Variants in AGK observed in about 807,000 individuals in gnomAD.
The protein encoded by AGK is acylglycerol kinase, mitochondrial.
In AGK, 52 loss-of-function variants were observed where a neutral mutation model predicts 66.4. The observed-to-expected ratio is 0.78, with a 90% CI of 0.63 to 0.99. The LOEUF is 0.99. Among genes scored for constraint, AGK ranks in the 50% least tolerant of loss-of-function variants. The probability of loss-of-function intolerance (pLI) is 0.00; values close to 1 mark genes in which losing one functional copy is unlikely to be tolerated. For synonymous variants in AGK, 182 were observed against 181.1 expected, an observed-to-expected ratio of 1.00 and a Z score of -0.04; for missense variants, 451 against 506.6, an observed-to-expected ratio of 0.89 and a Z score of 1.05.
At chr7:141,568,595 A>G (rs191344983) in intron 2 of AGK, among the ~76,000 whole-genome samples, 52 of 146,508 alleles carry the variant, frequency 3.5e-4, no homozygotes, top group Non-Finnish European at 6.4e-4. Context: ...TTTTTGAGAC[A>G]CAGTCTCACT....
In AGK at chr7:141,580,607, A is replaced by G. The variant is rs1019200492; in HGVS notation, c.102-12539A>G. ...ATATGTGTCAGGTGTGAGGAAGAAAATAGATTTTGGAAGTTATGAGAGCTG... is the reference window on the plus strand; with the variant it reads ...ATATGTGTCAGGTGTGAGGAAGAAAGTAGATTTTGGAAGTTATGAGAGCTG... On this transcript the variant is annotated intron_variant, in intron 2 of 15. Transcript: ENST00000649286. Among the ~76,000 whole-genome samples, 15 of 151,990 alleles carry G rather than the reference A, an allele frequency of 9.9e-5. 1 individual carries two copies. Among genetic ancestry groups the G allele is most frequent in the African/African-American group, 3.4e-4 (14 of 41,270 alleles).
At chr7:141,638,636 C>A (rs1797224039) in intron 11 of AGK, among the ~76,000 whole-genome samples, 1 of 152,010 alleles carries the variant, frequency 6.6e-6, no homozygotes, top group African/African-American at 2.4e-5. Context: ...ACAGTATTGA[C>A]AATAGAAGAT....
At chr7:141,604,679 GT>G (rs1356130219) in intron 5 of AGK, among the ~76,000 whole-genome samples, 13 of 150,120 alleles carry the variant, frequency 8.7e-5, no homozygotes, top group Middle Eastern at 3.2e-3. Context: ...CGCCTCCCGG[GT>G]TCAAGCGATT....
intron 2 of AGK, among the ~76,000 whole-genome samples, chr7:141,558,347 GT>G (rs71172603): frequency 0.079 from 11,076 of 140,542 alleles, 739 homozygotes; most frequent in African/African-American, 0.19. Context: ...AGTAGAGATG[GT>G]TTTTTTTTTT....
chr7:141,568,899 A>G (rs1273008292), intron 2 of AGK, among the ~76,000 whole-genome samples: 2 of 152,108 alleles, frequency 1.3e-5, no homozygotes. Context: ...TCTATGGAGC[A>G]TCTAGCTTCT....
chr7:141,551,952 C>G (rs763405754), intron 1 of AGK, among the ~76,000 whole-genome samples: 1 of 152,170 alleles, frequency 6.6e-6, no homozygotes, highest in African/African-American at 2.4e-5. Context: ...TTCAGTATCT[C>G]CTAAACCGCA....
chr7:141,644,491 AAGC>A (rs1247845167), intron 13 of AGK, among the ~76,000 whole-genome samples: 3 of 152,208 alleles, frequency 2.0e-5, no homozygotes, highest in African/African-American at 4.8e-5. Context: ...CACTTATTAA[AAGC>A]AGCACATTCA....
intron 10 of AGK, 30 bp from the exon 11 acceptor site, chr7:141,636,930 T>C (rs1797183978): frequency 8.2e-6 from 13 of 1,580,842 alleles, no homozygotes; most frequent in Non-Finnish European, 1.1e-5. Context: ...TTGATATTCT[T>C]ATCAGATTTT....
At chr7:141,619,034 TGAA>T (rs1461192520) in intron 8 of AGK, among the ~76,000 whole-genome samples, 17 of 151,960 alleles carry the variant, frequency 1.1e-4, no homozygotes, top group Non-Finnish European at 2.2e-4. Context: ...TACAAATCAG[TGAA>T]GAGAGAAATC....
chr7:141,640,899 T>C (rs1170965277), intron 11 of AGK, among the ~76,000 whole-genome samples: 2 of 152,182 alleles, frequency 1.3e-5, no homozygotes, highest in African/African-American at 2.4e-5. Flanking sequence ...CTGGATTTCC[T>C]CAGTTTCATT....
intron 2 of AGK, among the ~76,000 whole-genome samples, chr7:141,579,841 C>T (rs980253846): frequency 6.6e-6 from 1 of 151,930 alleles, no homozygotes; most frequent in African/African-American, 2.4e-5. Flanking sequence ...AACCATTTGC[C>T]TTGTGTGGGA....
rs1393358826 is a variant in AGK at position 141,652,717 on chromosome 7, G to A, written c.1132-70G>A. On this transcript the variant is annotated intron_variant, in intron 15 of 15. Coordinates refer to ENST00000649286, the MANE Select transcript of AGK (RefSeq NM_018238.4). Reference sequence around the variant, plus strand: ...TCCATAATGAACTTCTTCTGGTGCTGCTGTGAGACCTCCAACTCCAGTAGG... The same window carrying A: ...TCCATAATGAACTTCTTCTGGTGCTACTGTGAGACCTCCAACTCCAGTAGG... 1.2e-5 allele frequency: 18 copies of A among 1,513,870 alleles called. No individual in the cohort carries two copies. The African/African-American group carries it at 1.4e-4, about 12-fold the overall frequency. The allele number at this position is 1,513,870 out of a possible 1,614,324, so 93.8% of individuals were successfully genotyped here.
At chr7:141,610,764 A>T (rs1292991276) in intron 5 of AGK, among the ~76,000 whole-genome samples, 1 of 152,184 alleles carries the variant, frequency 6.6e-6, no homozygotes, top group Non-Finnish European at 1.5e-5. Context: ...CACTCAGCTA[A>T]AAAGTAGCAG....
Position 141,634,781 on chromosome 7 carries a change from C to T in AGK, c.668+801C>T, listed in dbSNP as rs145015762. Among the ~76,000 whole-genome samples, 45 of 150,880 alleles carry T rather than the reference C, an allele frequency of 3.0e-4. 1 individual carries two copies. Among genetic ancestry groups the T allele is most frequent in the African/African-American group, 1.0e-3 (42 of 41,156 alleles). ...TAAATGAATTGTGGCTGATCTCACA[C>T]ATAGCTCTCAAGAAATTGCTCTTTC... On this transcript the variant is annotated intron_variant, in intron 10 of 15. Transcript: ENST00000649286.
intron 9 of AGK, among the ~76,000 whole-genome samples, chr7:141,622,122 G>A (rs1796838808): frequency 6.8e-6 from 1 of 147,366 alleles, no homozygotes; most frequent in South Asian, 2.2e-4. Flanking sequence ...AAGGAGTCTT[G>A]GTCTGTCACC....
intron 2 of AGK, among the ~76,000 whole-genome samples, chr7:141,556,840 T>C (rs1275180143): frequency 6.6e-6 from 1 of 152,228 alleles, no homozygotes; most frequent in Non-Finnish European, 1.5e-5. Flanking sequence ...TCAAACCTTT[T>C]GTTTAAATAA....
intron 3 of AGK, among the ~76,000 whole-genome samples, chr7:141,595,769 A>G (rs1275091624): frequency 6.6e-6 from 1 of 151,858 alleles, no homozygotes; most frequent in Non-Finnish European, 1.5e-5. Context: ...TCTCATTTGG[A>G]CTCCTCACAT....
At chr7:141,571,100 A>C (rs963942334) in intron 2 of AGK, among the ~76,000 whole-genome samples, 1 of 152,246 alleles carries the variant, frequency 6.6e-6, no homozygotes, top group African/African-American at 2.4e-5. Context: ...TATTCATTAT[A>C]ACTTTTTTGC....
At chr7:141,611,052 C>G in intron 5 of AGK, 143 bp from the exon 6 acceptor site, 2 of 530,880 alleles carry the variant, frequency 3.8e-6, no homozygotes, top group Non-Finnish European at 6.8e-6. Flanking sequence ...GCTTTGATAG[C>G]TATTTTTTTC....
Sources: gnomAD v4.1 joint callset for allele counts (sites outside exome capture counted in the v4.1 genomes callset) on GRCh38, gnomAD v4.1.1 for gene constraint, MANE v1.5 for transcripts, NCBI Gene and HGNC (gene_info 2026-07-23, HGNC 2026-07-21) for gene names.